The following LANCL2 variants were observed in gnomAD, a reference collection of about 807,000 sequenced individuals.
LANCL2 encodes lanC-like protein 2.
In LANCL2, 33 loss-of-function variants were observed where a neutral mutation model predicts 56.9. The ratio of observed to expected loss-of-function variants is 0.58; its 90% CI spans 0.44 to 0.78. The LOEUF (loss-of-function observed/expected upper bound fraction) is 0.78. Ranked by LOEUF, LANCL2 falls within the 30% of genes least tolerant of loss-of-function variation. The pLI is 0.00. For missense variants in LANCL2, 562 were observed against 580.2 expected (o/e 0.97, Z 0.32); for synonymous variants, 233 against 228.2 (o/e 1.02, Z -0.19).
At chr7:55,415,276 G>T (rs185963738) in intron 6 of LANCL2, among the ~76,000 whole-genome samples, 5 of 152,326 alleles carry the variant, frequency 3.3e-5, no homozygotes, top group Admixed American at 3.3e-4. Flanking sequence ...AGGGTGACAC[G>T]AGTGCAGTCC....
chr7:55,383,008 G>C (rs1219846165), intron 1 of LANCL2, among the ~76,000 whole-genome samples: 1 of 152,214 alleles, frequency 6.6e-6, no homozygotes, highest in African/African-American at 2.4e-5. Context: ...TGTAATCCCA[G>C]CACTTTGGGA....
At chr7:55,410,152 A>G (rs1790455334) in intron 5 of LANCL2, among the ~76,000 whole-genome samples, 1 of 152,186 alleles carries the variant, frequency 6.6e-6, no homozygotes. Flanking sequence ...ACAAAAAGGA[A>G]CTCAGTTGTG....
intron 1 of LANCL2, among the ~76,000 whole-genome samples, chr7:55,391,107 C>T (rs1300661094): frequency 1.3e-5 from 2 of 150,662 alleles, no homozygotes; most frequent in Non-Finnish European, 3.0e-5. Context: ...AGCTCCGCCT[C>T]CCGGGTTCAC....
chr7:55,380,017 G>A (rs1162635526), intron 1 of LANCL2, among the ~76,000 whole-genome samples: 1 of 152,116 alleles, frequency 6.6e-6, no homozygotes, highest in Non-Finnish European at 1.5e-5. Flanking sequence ...TTCGCTATAA[G>A]GGAAGGTATT....
At chr7:55,415,007 GAAAA>G (rs1790511834) in intron 6 of LANCL2, among the ~76,000 whole-genome samples, 1 of 99,974 alleles carries the variant, frequency 1.0e-5, no homozygotes, top group African/African-American at 3.7e-5. Context: ...AAAAAGAAAA[GAAAA>G]GAAAAAGGCA....
intron 4 of LANCL2, 43 bp from the exon 5 acceptor site, chr7:55,401,131 A>T: frequency 6.4e-7 from 1 of 1,552,634 alleles, no homozygotes; most frequent in Non-Finnish European, 8.9e-7. Context: ...ACAACAGGGT[A>T]CATATACAGT....
At chr7:55,399,359 C>T (rs147080777) in intron 3 of LANCL2, among the ~76,000 whole-genome samples, 23,039 of 104,824 alleles carry the variant, frequency 0.22, 1,933 homozygotes, top group Middle Eastern at 0.32. Flanking sequence ...TTTTTTTTTT[C>T]TGAGATGGAA....
intron 1 of LANCL2, among the ~76,000 whole-genome samples, chr7:55,389,973 C>G (rs1176365216): frequency 6.6e-6 from 1 of 152,168 alleles, no homozygotes; most frequent in Non-Finnish European, 1.5e-5. Context: ...ACATGCACAT[C>G]CAGGATTGAG....
intron 1 of LANCL2, 61 bp downstream of exon 1, chr7:55,366,290 C>T: frequency 1.5e-6 from 2 of 1,365,756 alleles, no homozygotes; most frequent in Non-Finnish European, 1.9e-6. Flanking sequence ...GTAGCGTCCA[C>T]CTTCCGCCAG....
At chr7:55,428,814 TATC>T (rs771666771) in intron 8 of LANCL2, among the ~76,000 whole-genome samples, 3 of 151,950 alleles carry the variant, frequency 2.0e-5, no homozygotes, top group East Asian at 1.9e-4. Flanking sequence ...ATATATTTAA[TATC>T]ATATAAAGAA....
At chr7:55,379,430 C>T (rs1177546975) in intron 1 of LANCL2, among the ~76,000 whole-genome samples, 1 of 152,144 alleles carries the variant, frequency 6.6e-6, no homozygotes, top group Non-Finnish European at 1.5e-5. Flanking sequence ...TGTGGCCACC[C>T]TTGTGCATAA....
intron 1 of LANCL2, among the ~76,000 whole-genome samples, chr7:55,371,122 G>A (rs1351097986): frequency 6.6e-6 from 1 of 152,172 alleles, no homozygotes; most frequent in Non-Finnish European, 1.5e-5. Flanking sequence ...TAGAGCTCTA[G>A]ACTTGTTTGT....
At chr7:55,376,953 CTGAAAG>C (rs1790010270) in intron 1 of LANCL2, among the ~76,000 whole-genome samples, 1 of 152,126 alleles carries the variant, frequency 6.6e-6, no homozygotes, top group Non-Finnish European at 1.5e-5. Context: ...TCAAAGGTAT[CTGAAAG>C]TTAGAAAAAT....
chr7:55,375,474 G>A (rs571214767), intron 1 of LANCL2, among the ~76,000 whole-genome samples: 1 of 152,344 alleles, frequency 6.6e-6, no homozygotes, highest in East Asian at 1.9e-4. Context: ...CTTTCTCTGA[G>A]ACGCCTGTGA....
Position 55,404,934 on chromosome 7 carries a change from T to C in LANCL2, c.825+3614T>C, listed in dbSNP as rs572287530. ...ATGATGCAGGTACATGCTTTCAAAG[T>C]AACCAGAATTCCATACCTCATTTAA... On this transcript the variant is annotated intron_variant, in intron 5 of 8. Coordinates refer to ENST00000254770, the MANE Select transcript of LANCL2 (RefSeq NM_018697.4). Among the ~76,000 whole-genome samples, 128 of 152,348 alleles carry C rather than the reference T, an allele frequency of 8.4e-4. 1 individual carries two copies. Among genetic ancestry groups the C allele is most frequent in the Non-Finnish European group, 1.6e-3 (109 of 68,034 alleles).
At chr7:55,428,735 C>G (rs1790695914) in intron 8 of LANCL2, among the ~76,000 whole-genome samples, 1 of 152,160 alleles carries the variant, frequency 6.6e-6, no homozygotes, top group Non-Finnish European at 1.5e-5. Flanking sequence ...GTTTACTCCT[C>G]TGCATTTCAT....
intron 2 of LANCL2, among the ~76,000 whole-genome samples, chr7:55,394,284 G>C (rs1369771310): frequency 6.6e-6 from 1 of 152,164 alleles, no homozygotes; most frequent in Non-Finnish European, 1.5e-5. Context: ...TACGATATAG[G>C]AAGAAGGCTG....
In LANCL2 at chr7:55,399,287, G is replaced by GAA. The variant is rs71031845; in HGVS notation, c.531-660_531-659dup. On this transcript the variant is annotated intron_variant, in intron 3 of 8. Coordinates refer to ENST00000254770, the MANE Select transcript of LANCL2 (RefSeq NM_018697.4). ...GACCCTGTCTCTAAAGAAAAAGAAA[G>GAA]AAAAAAAAAAAGACAGAATGACAGT... Among the ~76,000 whole-genome samples the GAA allele has an allele frequency of 2.2e-3, 310 of 140,506 alleles. 1 individual carries two copies. The highest frequency in any genetic ancestry group is 0.014 in the Middle Eastern group (4 of 280). The allele number at this position is 140,506 out of a possible 152,430, so 92.2% of individuals were successfully genotyped here.
At position 55,401,335 on chromosome 7, in the gene LANCL2, T is replaced by C. The variant is rs368760594; in HGVS notation, c.825+15T>C. 64 of 1,604,176 alleles carry C rather than the reference T, an allele frequency of 4.0e-5. No homozygotes were observed. In the African/African-American group the frequency reaches 8.2e-4, roughly 20 times the overall value. On this transcript the variant is annotated intron_variant, in intron 5 of 8. Coordinates refer to ENST00000254770, the MANE Select transcript of LANCL2 (RefSeq NM_018697.4). ...TGTTAATGCAGGTAGGTAAGAATAC[T>C]CTTACACACTACAGTATATTTGATC...
Sources: allele counts gnomAD v4.1 joint callset (sites outside exome capture counted in the v4.1 genomes callset), GRCh38; gene constraint gnomAD v4.1.1; transcripts MANE v1.5; gene names NCBI Gene and HGNC (gene_info 2026-07-23, HGNC 2026-07-21).